Variants in GRIA4 observed in about 807,000 individuals in gnomAD.
GRIA4 encodes the protein glutamate receptor 4.
A neutral mutation model predicts 104.0 loss-of-function variants in GRIA4; 34 were observed. The observed-to-expected ratio is 0.33, with a 90% CI of 0.25 to 0.44. The LOEUF is 0.44. Among genes scored for constraint, GRIA4 ranks in the 20% least tolerant of loss-of-function variants. GRIA4 has a pLI of 1.00. For synonymous variants in GRIA4, 386 were observed against 381.9 expected (o/e 1.01, Z -0.13); for missense variants, 750 against 1,096.5 (o/e 0.68, Z 4.46).
intron 3 of GRIA4, among the ~76,000 whole-genome samples, chr11:105,702,694 CT>C (rs1237776884): frequency 1.1e-4 from 10 of 88,816 alleles, no homozygotes; most frequent in African/African-American, 3.7e-4. Flanking sequence ...ATTTTCCTTT[CT>C]TTTTTTTTTT....
chr11:105,702,690 C>CTTTTTTTTTTTTTTTTTTTTTTTTT (rs150923757), intron 3 of GRIA4, among the ~76,000 whole-genome samples: 1 of 96,074 alleles, frequency 1.0e-5, no homozygotes, highest in Non-Finnish European at 1.9e-5. Context: ...AATTATTTTC[C>CTTTTTTTTTTTTTTTTTTTTTTTTT]TTTCTTTTTT....
intron 3 of GRIA4, 95 bp from the exon 4 acceptor site, chr11:105,752,886 T>G: frequency 1.7e-6 from 2 of 1,145,944 alleles, no homozygotes; most frequent in Non-Finnish European, 2.5e-6. Flanking sequence ...AATGATTCAG[T>G]GATTTTTATT....
intron 3 of GRIA4, among the ~76,000 whole-genome samples, chr11:105,622,681 T>C (rs1022688175): frequency 1.3e-5 from 2 of 151,898 alleles, no homozygotes; most frequent in Non-Finnish European, 2.9e-5. Flanking sequence ...AATGGTTTTA[T>C]TTTAATTTTT....
At chr11:105,902,922 T>G (rs1195980309) in intron 7 of GRIA4, among the ~76,000 whole-genome samples, 2 of 152,202 alleles carry the variant, frequency 1.3e-5, no homozygotes, top group Non-Finnish European at 2.9e-5. Flanking sequence ...CCCATTTCCA[T>G]GTGTTCAGGA....
At chr11:105,666,523 A>G (rs1424483495) in intron 3 of GRIA4, among the ~76,000 whole-genome samples, 1 of 151,978 alleles carries the variant, frequency 6.6e-6, no homozygotes, top group Admixed American at 6.6e-5. Context: ...GAAATAATGC[A>G]TCTATTCAAC....
intron 4 of GRIA4, among the ~76,000 whole-genome samples, chr11:105,790,650 G>A (rs1293515690): frequency 6.6e-6 from 1 of 152,160 alleles, no homozygotes; most frequent in African/African-American, 2.4e-5. Flanking sequence ...GAAATAAAAG[G>A]ATTAGACATA....
intron 5 of GRIA4, among the ~76,000 whole-genome samples, chr11:105,871,692 T>A (rs78059873): frequency 1.4e-4 from 21 of 151,562 alleles, no homozygotes; most frequent in Non-Finnish European, 4.4e-5. Context: ...GAAAAAAAAA[T>A]CTGCTGAAAT....
chr11:105,854,638 G>A (rs1257358362), intron 4 of GRIA4, among the ~76,000 whole-genome samples: 4 of 152,104 alleles, frequency 2.6e-5, no homozygotes, highest in South Asian at 2.1e-4. Context: ...AGGCAGTGTC[G>A]GTAGGAAGAA....
chr11:105,949,825 G>A (rs1948417027), intron 14 of GRIA4, among the ~76,000 whole-genome samples: 1 of 152,208 alleles, frequency 6.6e-6, no homozygotes, highest in South Asian at 2.1e-4. Flanking sequence ...TAACCTGGCT[G>A]AAGGCAGAGA....
chr11:105,932,482 T>C (rs750230416), intron 13 of GRIA4, among the ~76,000 whole-genome samples: 6 of 152,136 alleles, frequency 3.9e-5, no homozygotes, highest in Non-Finnish European at 5.9e-5. Flanking sequence ...TTAATAAATA[T>C]ATCTTTTGGA....
intron 4 of GRIA4, among the ~76,000 whole-genome samples, chr11:105,825,846 G>C (rs995793240): frequency 1.3e-5 from 2 of 151,926 alleles, no homozygotes; most frequent in Non-Finnish European, 2.9e-5. Flanking sequence ...CCTAGTACAG[G>C]CATACAATAC....
chr11:105,708,232 G>A (rs1483837354), intron 3 of GRIA4, among the ~76,000 whole-genome samples: 3 of 152,016 alleles, frequency 2.0e-5, no homozygotes, highest in African/African-American at 7.2e-5. Context: ...TGTAATAAAG[G>A]GGGAATGAGA....
At chr11:105,849,966 G>A (rs1944742027) in intron 4 of GRIA4, among the ~76,000 whole-genome samples, 1 of 152,094 alleles carries the variant, frequency 6.6e-6, no homozygotes, top group South Asian at 2.1e-4. Flanking sequence ...TTAGAGGTAT[G>A]ATACCAGTGT....
chr11:105,924,315 T>C, intron 11 of GRIA4, 84 bp from the exon 12 acceptor site: 1 of 986,254 alleles, frequency 1.0e-6, no homozygotes, highest in East Asian at 2.4e-5. Context: ...GCATGACTGG[T>C]TAGCTTTAAA....
intron 4 of GRIA4, among the ~76,000 whole-genome samples, chr11:105,858,240 C>T (rs1945088176): frequency 1.3e-5 from 2 of 152,006 alleles, no homozygotes; most frequent in Admixed American, 1.3e-4. Flanking sequence ...TTATATAATG[C>T]TGTGTATTTT....
At chr11:105,792,035 T>C (rs1942235223) in intron 4 of GRIA4, among the ~76,000 whole-genome samples, 1 of 152,110 alleles carries the variant, frequency 6.6e-6, no homozygotes, top group Admixed American at 6.6e-5. Flanking sequence ...GCTGAATTCT[T>C]TTAAAATATG....
At chr11:105,839,812 G>C (rs1010120021) in intron 4 of GRIA4, among the ~76,000 whole-genome samples, 1 of 151,964 alleles carries the variant, frequency 6.6e-6, no homozygotes, top group Admixed American at 6.6e-5. Context: ...AGCTTCTCTA[G>C]TTAATTCTCT....
intron 5 of GRIA4, among the ~76,000 whole-genome samples, chr11:105,870,282 TA>T (rs1162203850): frequency 6.6e-6 from 1 of 151,344 alleles, no homozygotes; most frequent in African/African-American, 2.4e-5. Context: ...GTTCATAATA[TA>T]ATTATATAAA....
chr11:105,643,755 G>A (rs1225474742), intron 3 of GRIA4, among the ~76,000 whole-genome samples: 1 of 152,140 alleles, frequency 6.6e-6, no homozygotes, highest in Non-Finnish European at 1.5e-5. Flanking sequence ...GTCTTGCTCT[G>A]TCACCCAGGC....
Sources: gnomAD v4.1 joint callset for allele counts (sites outside exome capture counted in the v4.1 genomes callset) on GRCh38, gnomAD v4.1.1 for gene constraint, MANE v1.5 for transcripts, NCBI Gene and HGNC (gene_info 2026-07-23, HGNC 2026-07-21) for gene names.